The following UBAP2 variants were observed in gnomAD, a reference collection of about 807,000 sequenced individuals.
UBAP2 encodes ubiquitin-associated protein 2.
Under a neutral mutation model 139.6 loss-of-function variants are expected in UBAP2, and 75 were observed. That is an observed-to-expected ratio of 0.54 (90% CI 0.45 to 0.65). The LOEUF is 0.65. Among genes scored for constraint, UBAP2 ranks in the 30% least tolerant of loss-of-function variants. The pLI is 0.00. For synonymous variants in UBAP2, 526 were observed against 526.2 expected, an observed-to-expected ratio of 1.00 and a Z score of 0.01; for missense variants, 1,368 against 1,369.6, an observed-to-expected ratio of 1.00 and a Z score of 0.02.
intron 4 of UBAP2, chr9:33,994,940 G>C (rs921034034): frequency 6.6e-6 from 1 of 152,056 alleles, no homozygotes; most frequent in Non-Finnish European, 1.5e-5. Context: ...ACACTGACAC[G>C]GTCAGTTTGT....
At chr9:33,926,915 G>A (rs746731833) in intron 21 of UBAP2, 74 bp downstream of exon 21, 17 of 1,470,238 alleles carry the variant, frequency 1.2e-5, no homozygotes, top group Middle Eastern at 1.8e-4. Context: ...TGGGCCCAAC[G>A]CCAGGTTCCT....
intron 6 of UBAP2, among the ~76,000 whole-genome samples, chr9:33,975,936 C>A (rs1828306594): frequency 6.6e-6 from 1 of 151,976 alleles, no homozygotes; most frequent in South Asian, 2.1e-4. Context: ...CAAATTGAGG[C>A]CTGACATGGT....
At chr9:34,028,279 G>T (rs547395518) in intron 1 of UBAP2, among the ~76,000 whole-genome samples, 30 of 151,970 alleles carry the variant, frequency 2.0e-4, no homozygotes, top group Non-Finnish European at 3.5e-4. Context: ...GTTACCTAAG[G>T]CCACGAAGGG....
chr9:34,028,648 G>A (rs549870675), intron 1 of UBAP2, among the ~76,000 whole-genome samples: 103 of 152,078 alleles, frequency 6.8e-4, no homozygotes, highest in African/African-American at 2.5e-3. Flanking sequence ...TTAAAGTGCT[G>A]GGATTACAGA....
chr9:34,031,050 G>A (rs1825844704), intron 1 of UBAP2, among the ~76,000 whole-genome samples: 1 of 152,146 alleles, frequency 6.6e-6, no homozygotes, highest in African/African-American at 2.4e-5. Flanking sequence ...TTCAAGACTA[G>A]CCTGGCAAGG....
At chr9:33,923,689 G>A (rs150584039) in intron 24 of UBAP2, 106 bp downstream of exon 24, 17 of 1,251,556 alleles carry the variant, frequency 1.4e-5, no homozygotes, top group African/African-American at 7.4e-5. Flanking sequence ...CAGGTAAGAC[G>A]GAGTGGAATC....
chr9:33,938,158 A>AATT (rs1050513456), intron 16 of UBAP2, among the ~76,000 whole-genome samples: 3 of 151,632 alleles, frequency 2.0e-5, no homozygotes, highest in East Asian at 1.9e-4. Context: ...CATCACACCT[A>AATT]ATTATTATTA....
chr9:34,045,964 AATCT>A (rs1258510052), intron 1 of UBAP2, among the ~76,000 whole-genome samples: 2 of 152,126 alleles, frequency 1.3e-5, no homozygotes, highest in Non-Finnish European at 2.9e-5. Context: ...CTGCTTCTAA[AATCT>A]ATCAGAGATC....
At chr9:33,942,555 C>T (rs191824349) in intron 15 of UBAP2, among the ~76,000 whole-genome samples, 1 of 151,966 alleles carries the variant, frequency 6.6e-6, no homozygotes, top group Admixed American at 6.5e-5. Context: ...TGACGAAACC[C>T]TGTCTCTACA....
chr9:33,976,996 A>C (rs1457316850), intron 6 of UBAP2, among the ~76,000 whole-genome samples: 1 of 147,172 alleles, frequency 6.8e-6, no homozygotes, highest in Non-Finnish European at 1.5e-5. Context: ...TGGGTGACAA[A>C]GTAAGACTCG....
intron 8 of UBAP2, chr9:33,968,378 A>T: frequency 1.7e-6 from 1 of 573,302 alleles, no homozygotes; most frequent in Non-Finnish European, 3.5e-6. Flanking sequence ...ATCATAAATT[A>T]TTCCTCTGGT....
chr9:33,982,048 TCA>T (rs1317303016), intron 6 of UBAP2, among the ~76,000 whole-genome samples: 2 of 152,026 alleles, frequency 1.3e-5, no homozygotes, highest in African/African-American at 2.4e-5. Context: ...TCCCCTATGA[TCA>T]TCACATATCT....
intron 28 of UBAP2, 28 bp downstream of exon 28, chr9:33,922,659 G>A (rs41313969): frequency 0.016 from 24,875 of 1,580,510 alleles, 253 homozygotes; most frequent in Non-Finnish European, 0.018. Flanking sequence ...GCCCAGAGTA[G>A]GGTGGCTGCC....
At chr9:33,973,293 C>T (rs566821568) in intron 6 of UBAP2, 56 bp from the exon 7 acceptor site, 7 of 1,551,882 alleles carry the variant, frequency 4.5e-6, no homozygotes, top group Admixed American at 1.7e-5. Context: ...TACACAATTA[C>T]ACTTCCTTCT....
chr9:34,040,138 G>A (rs1225956220), intron 1 of UBAP2, among the ~76,000 whole-genome samples: 2 of 149,828 alleles, frequency 1.3e-5, no homozygotes, highest in African/African-American at 4.9e-5. Context: ...TAGCCTGGGC[G>A]ACAAGGGCTA....
At chr9:33,975,802 A>C (rs1393834567) in intron 6 of UBAP2, among the ~76,000 whole-genome samples, 1 of 118,928 alleles carries the variant, frequency 8.4e-6, no homozygotes, top group Non-Finnish European at 2.0e-5. Flanking sequence ...ACTCCGTCTC[A>C]AAAAAAAAAA....
chr9:33,989,719 A>C (rs1821535843), intron 4 of UBAP2, among the ~76,000 whole-genome samples: 1 of 152,142 alleles, frequency 6.6e-6, no homozygotes, highest in Non-Finnish European at 1.5e-5. Flanking sequence ...GAATACAGTA[A>C]AAGTCATTTC....
rs920881925 is a variant in UBAP2, at chr9:33,921,705, A to C, written c.*799T>G. The C allele has an allele frequency of 6.5e-6, 1 of 152,686 alleles. No individual in the cohort carries two copies. The highest frequency in any genetic ancestry group is 2.4e-5 in the African/African-American group (1 of 41,448). 9.5% of individuals were successfully genotyped at this position (152,686 alleles called of 1,614,324 possible). A position where few individuals can be genotyped will look rare whatever the true frequency, so the allele number is the denominator to read the frequency against. On this transcript the variant is annotated 3_prime_UTR_variant, in exon 29 of 29. Coordinates refer to ENST00000379238, the MANE Select transcript of UBAP2 (RefSeq NM_001370062.2). ...CACAGAGACCATGCATGCTCTCAGAACTTTATTAGGTGGGGATTGGGCAAG... is the reference window on the plus strand; with the variant it reads ...CACAGAGACCATGCATGCTCTCAGACCTTTATTAGGTGGGGATTGGGCAAG...
At chr9:34,033,579 C>T (rs1032122059) in intron 1 of UBAP2, among the ~76,000 whole-genome samples, 1 of 146,864 alleles carries the variant, frequency 6.8e-6, no homozygotes, top group Non-Finnish European at 1.5e-5. Context: ...TAATTGTATA[C>T]TTTTTTTTTT....
Sources: gnomAD v4.1 joint callset for allele counts (sites outside exome capture counted in the v4.1 genomes callset) on GRCh38, gnomAD v4.1.1 for gene constraint, MANE v1.5 for transcripts, NCBI Gene and HGNC (gene_info 2026-07-23, HGNC 2026-07-21) for gene names.